Variants in DSC3 observed in about 807,000 individuals in gnomAD.
DSC3 encodes desmocollin 3.
DSC3 carries 97 observed loss-of-function variants against 89.5 expected under a neutral mutation model. That is an observed-to-expected ratio of 1.08 (90% CI 0.92 to 1.28). The LOEUF is 1.28. Among genes scored for constraint, DSC3 ranks in the 50% most tolerant of loss-of-function variants. The probability of loss-of-function intolerance (pLI) is 0.00; values close to 1 mark genes in which losing one functional copy is unlikely to be tolerated. For synonymous variants in DSC3, 436 were observed against 384.1 expected (o/e 1.14, Z -1.58); for missense variants, 1,199 against 1,085.3 (o/e 1.10, Z -1.47).
intron 4 of DSC3, among the ~76,000 whole-genome samples, chr18:31,026,322 G>A (rs924006372): frequency 6.6e-6 from 1 of 151,962 alleles, no homozygotes. Context: ...GAGGTAATAG[G>A]GGCCACATTG....
chr18:31,040,395 A>G (rs1986093851), intron 1 of DSC3, among the ~76,000 whole-genome samples: 1 of 152,194 alleles, frequency 6.6e-6, no homozygotes, highest in Non-Finnish European at 1.5e-5. Flanking sequence ...CATCCCTAAC[A>G]ATTCTGGTTA....
chr18:30,995,971 TAAAAAAAAA>T (rs1196444633), intron 15 of DSC3, among the ~76,000 whole-genome samples: 23 of 37,028 alleles, frequency 6.2e-4, no homozygotes, highest in East Asian at 2.8e-3. Flanking sequence ...GACCCTGCCT[TAAAAAAAAA>T]AAAAAAAAAA....
intron 13 of DSC3, among the ~76,000 whole-genome samples, chr18:31,002,672 C>T (rs1337111930): frequency 6.9e-6 from 1 of 145,938 alleles, no homozygotes; most frequent in Non-Finnish European, 1.5e-5. Context: ...TGCCCTCCAG[C>T]CTGGGCAACA....
Position 31,001,631 on chromosome 18 carries a change from C to G in DSC3, c.2222G>C (p.Gly741Ala), listed in dbSNP as rs1984662910. 10 of 1,610,280 alleles carry G rather than the reference C, an allele frequency of 6.2e-6. No individual in the cohort carries two copies. The highest frequency in any genetic ancestry group is 7.6e-6 in the Non-Finnish European group (9 of 1,177,764). Reference protein sequence around the residue: ...NLIISNTEAPGDDRVCSANGF... With the variant: ...NLIISNTEAPADDRVCSANGF... ...AAAATTACTTACCACTCTATCGTCTCCAGGTGCTTCTGTGTTTGATATAAT... is the reference window on the plus strand; with the variant it reads ...AAAATTACTTACCACTCTATCGTCTGCAGGTGCTTCTGTGTTTGATATAAT... Residue 741 changes from glycine (G) to alanine (A), a missense_variant, in exon 14 of 16, where the codon GGA (glycine) becomes GCA (alanine). By Grantham distance (60) the Gly-to-Ala change is moderately conservative. Coordinates refer to ENST00000360428, the MANE Select transcript of DSC3 (RefSeq NM_001941.5).
At chr18:31,007,736 T>C (rs1984903066) in intron 11 of DSC3, among the ~76,000 whole-genome samples, 2 of 152,176 alleles carry the variant, frequency 1.3e-5, no homozygotes, top group South Asian at 4.1e-4. Flanking sequence ...GATGAGACCA[T>C]TTTATCTAGT....
chr18:31,042,684 G>A lies in DSC3; in HGVS notation c.-24C>T. Reference sequence around the variant, plus strand: ...ATCGGGATGCCGGGCAGGGCCAGGAGAACGCGGGCGCCGGGAGGGTGCCGA... The same window carrying A: ...ATCGGGATGCCGGGCAGGGCCAGGAAAACGCGGGCGCCGGGAGGGTGCCGA... On this transcript the variant is annotated 5_prime_UTR_variant, in exon 1 of 16. Transcript: ENST00000360428. 1 of 1,546,040 alleles carries A rather than the reference G, an allele frequency of 6.5e-7. No individual in the cohort carries two copies. Among genetic ancestry groups the A allele is most frequent in the Non-Finnish European group, 8.7e-7 (1 of 1,144,676 alleles).
intron 1 of DSC3, among the ~76,000 whole-genome samples, chr18:31,038,761 G>A (rs555757281): frequency 1.3e-5 from 2 of 152,130 alleles, no homozygotes; most frequent in East Asian, 1.9e-4. Flanking sequence ...GGGTATTCAC[G>A]TTCAAGGTTA....
rs776216296 is a variant in DSC3, at chr18:30,996,826, C to A, written c.2458G>T (p.Glu820Ter). The A allele has an allele frequency of 6.8e-6, 11 of 1,613,792 alleles. No homozygotes were observed. The highest frequency in any genetic ancestry group is 1.1e-5 in the South Asian group (1 of 91,042). Residue 820 changes from glutamate to a stop codon, truncating the protein, a stop_gained, in exon 15 of 16, where the codon GAG (glutamate) becomes TAG (stop). Transcript: ENST00000360428. LOFTEE classifies it high-confidence loss of function. ...CGGGGTTGAGTAAAACTGTGCCACT[C>A]CGAGTAAGTGTATCTGCAGTTGTCC... ...EVDNCRYTYS[E>*]WHSFTQPRLG...
At chr18:31,041,711 T>TC (rs1986137495) in intron 1 of DSC3, among the ~76,000 whole-genome samples, 1 of 152,112 alleles carries the variant, frequency 6.6e-6, no homozygotes, top group Non-Finnish European at 1.5e-5. Flanking sequence ...ACTTCAAGTC[T>TC]CCCGTGTTCT....
At chr18:31,011,423 G>T (rs1446840364) in intron 9 of DSC3, among the ~76,000 whole-genome samples, 1 of 152,154 alleles carries the variant, frequency 6.6e-6, no homozygotes, top group Non-Finnish European at 1.5e-5. Flanking sequence ...GCAATTCTTG[G>T]TTTGGCCTAC....
chr18:31,038,601 T>C (rs868846631), intron 1 of DSC3, among the ~76,000 whole-genome samples: 22 of 152,246 alleles, frequency 1.4e-4, no homozygotes, highest in African/African-American at 4.8e-4. Flanking sequence ...CAGAGTAGGG[T>C]TTGTCTATAC....
At chr18:31,012,756 T>A (rs1461098146) in intron 9 of DSC3, among the ~76,000 whole-genome samples, 1 of 152,194 alleles carries the variant, frequency 6.6e-6, no homozygotes, top group East Asian at 1.9e-4. Context: ...ATAAAATTGA[T>A]AGTAAAAACT....
intron 2 of DSC3, 56 bp from the exon 3 acceptor site, chr18:31,031,228 G>A: frequency 8.2e-7 from 1 of 1,223,874 alleles, no homozygotes; most frequent in East Asian, 2.6e-5. Flanking sequence ...AAAAAAACGT[G>A]TTAAAATAAT....
intron 6 of DSC3, 99 bp downstream of exon 6, chr18:31,024,250 T>G: frequency 1.7e-6 from 2 of 1,184,134 alleles, no homozygotes; most frequent in East Asian, 5.2e-5. Context: ...CAGCGTTATC[T>G]CAGGCTGATC....
chr18:31,041,769 G>A (rs1036060049), intron 1 of DSC3, among the ~76,000 whole-genome samples: 2 of 152,220 alleles, frequency 1.3e-5, no homozygotes, highest in Non-Finnish European at 2.9e-5. Context: ...CGTCCTGGGC[G>A]GCAGGTTTCC....
chr18:31,023,292 T>C lies in DSC3; in HGVS notation c.776-790A>G, dbSNP rs974994777. ...GGTCATGTAATGTAATGAACTCCTTTTACAAGTAAGAAAACTCAGAGGGAC... is the reference window on the plus strand; with the variant it reads ...GGTCATGTAATGTAATGAACTCCTTCTACAAGTAAGAAAACTCAGAGGGAC... On this transcript the variant is annotated intron_variant, in intron 6 of 15. Transcript: ENST00000360428. 4.6e-5 allele frequency among the ~76,000 whole-genome samples: 7 copies of C among 152,160 alleles called. No homozygotes were observed. In the East Asian group the frequency reaches 5.8e-4, roughly 13 times the overall value.
intron 12 of DSC3, among the ~76,000 whole-genome samples, chr18:31,006,413 C>T (rs1984843456): frequency 6.6e-6 from 1 of 152,076 alleles, no homozygotes; most frequent in African/African-American, 2.4e-5. Flanking sequence ...GATTCTGCTG[C>T]CTCAGCCTCC....
In DSC3 at chr18:30,992,967, A is replaced by T. The variant is rs1326636711; in HGVS notation, c.*1208T>A. The T allele has an allele frequency of 3.9e-5, 6 of 152,152 alleles. No individual in the cohort carries two copies. The allele number at this position is 152,152 out of a possible 1,614,324, so 9.4% of individuals were successfully genotyped here. A position where few individuals can be genotyped will look rare whatever the true frequency, so the allele number is the denominator to read the frequency against. On this transcript the variant is annotated 3_prime_UTR_variant, in exon 16 of 16. Transcript: ENST00000360428. ...AAAAATGAAATTTTGTAGCTCCCAGACCTGATCAGGTGTCAAGTTTGTGGG... is the reference window on the plus strand; with the variant it reads ...AAAAATGAAATTTTGTAGCTCCCAGTCCTGATCAGGTGTCAAGTTTGTGGG...
chr18:31,017,360 G>A (rs1326678080), intron 9 of DSC3, among the ~76,000 whole-genome samples: 2 of 152,118 alleles, frequency 1.3e-5, no homozygotes, highest in Non-Finnish European at 2.9e-5. Flanking sequence ...TTGTCCACAG[G>A]ACAATATTAA....
Sources: gnomAD v4.1 joint callset for allele counts (sites outside exome capture counted in the v4.1 genomes callset) on GRCh38, gnomAD v4.1.1 for gene constraint, MANE v1.5 for transcripts, NCBI Gene and HGNC (gene_info 2026-07-23, HGNC 2026-07-21) for gene names.